ITGA8: variants seen among roughly 807,000 people sequenced by gnomAD.
ITGA8 encodes integrin subunit alpha 8.
Under a neutral mutation model 142.3 loss-of-function variants are expected in ITGA8, and 91 were observed. The ratio of observed to expected loss-of-function variants is 0.64; its 90% CI spans 0.54 to 0.76. The LOEUF (loss-of-function observed/expected upper bound fraction) is 0.76, where lower values mean the gene tolerates loss of function less well. ITGA8 is among the 30% of genes least tolerant of loss of function. ITGA8 has a pLI of 0.00. For missense variants in ITGA8, 1,406 were observed against 1,327.7 expected, an observed-to-expected ratio of 1.06 and a Z score of -0.92; for synonymous variants, 505 against 485.2, an observed-to-expected ratio of 1.04 and a Z score of -0.54.
At chr10:15,549,612 C>T (rs1208398416) in intron 26 of ITGA8, among the ~76,000 whole-genome samples, 1 of 152,184 alleles carries the variant, frequency 6.6e-6, no homozygotes, top group Non-Finnish European at 1.5e-5. Context: ...TCTAATTGTA[C>T]TCCATCATGG....
chr10:15,612,980 G>A (rs1833325603), intron 15 of ITGA8, among the ~76,000 whole-genome samples: 1 of 152,158 alleles, frequency 6.6e-6, no homozygotes, highest in African/African-American at 2.4e-5. Context: ...GACTAACATA[G>A]TGAAACCCCG....
At chr10:15,649,457 C>A (rs1384631111) in intron 11 of ITGA8, among the ~76,000 whole-genome samples, 2 of 151,658 alleles carry the variant, frequency 1.3e-5, no homozygotes, top group Non-Finnish European at 2.9e-5. Flanking sequence ...GGTGAAACGC[C>A]TGTCTCTACT....
chr10:15,644,020 A>ATT lies in ITGA8; in HGVS notation c.1399+9_1399+10insAA, dbSNP rs1324787534. On this transcript the variant is annotated intron_variant, in intron 13 of 29. Coordinates refer to ENST00000378076, the MANE Select transcript of ITGA8 (RefSeq NM_003638.3). ...TAGACTCTCACGTGGGAAAAGAAAG[A>ATT]AAACCTTACCTGGGTAATCATTCTT... 1 of 1,605,284 alleles carries ATT rather than the reference A, an allele frequency of 6.2e-7. No individual in the cohort carries two copies. Among genetic ancestry groups the ATT allele is most frequent in the East Asian group, 2.2e-5 (1 of 44,696 alleles).
At chr10:15,650,926 A>G (rs1226551993) in intron 11 of ITGA8, among the ~76,000 whole-genome samples, 1 of 152,220 alleles carries the variant, frequency 6.6e-6, no homozygotes, top group Non-Finnish European at 1.5e-5. Context: ...AGAGTTTTCT[A>G]CTAATTGAAT....
chr10:15,546,977 A>G (rs1833684787), intron 27 of ITGA8, among the ~76,000 whole-genome samples: 1 of 152,032 alleles, frequency 6.6e-6, no homozygotes, highest in South Asian at 2.1e-4. Context: ...GATTGACGAG[A>G]CTGTAGAAGC....
At chr10:15,714,310 A>G (rs1835412993) in intron 2 of ITGA8, among the ~76,000 whole-genome samples, 1 of 152,208 alleles carries the variant, frequency 6.6e-6, no homozygotes, top group Non-Finnish European at 1.5e-5. Context: ...GAAGAAAGGG[A>G]ACCTTGAAGT....
intron 20 of ITGA8, 140 bp from the exon 21 acceptor site, chr10:15,597,439 T>A: frequency 1.5e-6 from 1 of 646,752 alleles, no homozygotes. Flanking sequence ...TTGATGACCC[T>A]TAACTCAGAA....
At chr10:15,532,935 G>A (rs1833341823) in intron 27 of ITGA8, among the ~76,000 whole-genome samples, 1 of 152,144 alleles carries the variant, frequency 6.6e-6, no homozygotes, top group African/African-American at 2.4e-5. Context: ...ATCTGTAAGA[G>A]GAAACACTAC....
chr10:15,570,343 C>T (rs1368631316), intron 25 of ITGA8, among the ~76,000 whole-genome samples: 2 of 152,130 alleles, frequency 1.3e-5, no homozygotes, highest in African/African-American at 4.8e-5. Context: ...CGCAGTGGCT[C>T]ACGCCTGTAA....
chr10:15,633,947 C>T (rs1452668677), intron 13 of ITGA8, among the ~76,000 whole-genome samples: 1 of 152,130 alleles, frequency 6.6e-6, no homozygotes, highest in East Asian at 1.9e-4. Context: ...TCCTTCTGTT[C>T]CCTGATTCAA....
chr10:15,651,380 C>A (rs1834082219), intron 11 of ITGA8, among the ~76,000 whole-genome samples: 1 of 152,146 alleles, frequency 6.6e-6, no homozygotes, highest in African/African-American at 2.4e-5. Context: ...AAAACTGTCA[C>A]AGGCTTGACA....
chr10:15,579,494 T>G (rs1490840773), intron 23 of ITGA8, among the ~76,000 whole-genome samples: 2 of 152,104 alleles, frequency 1.3e-5, no homozygotes, highest in Admixed American at 1.3e-4. Flanking sequence ...GTTTTAAATT[T>G]ATTTTGGAAT....
At chr10:15,680,216 C>CTTTTTTTTTTTTT (rs71374638) in intron 4 of ITGA8, among the ~76,000 whole-genome samples, 2 of 54,230 alleles carry the variant, frequency 3.7e-5, no homozygotes, top group Admixed American at 3.1e-4. Flanking sequence ...CCAGATGCTC[C>CTTTTTTTTTTTTT]TTTTTTTTTT....
At chr10:15,592,125 T>G in intron 22 of ITGA8, 100 bp downstream of exon 22, 1 of 710,330 alleles carries the variant, frequency 1.4e-6, no homozygotes, top group East Asian at 2.7e-5. Flanking sequence ...TAATTTCAGG[T>G]GAGCTTTTAA....
intron 8 of ITGA8, among the ~76,000 whole-genome samples, chr10:15,666,152 A>G (rs1408566360): frequency 6.6e-6 from 1 of 152,228 alleles, no homozygotes; most frequent in African/African-American, 2.4e-5. Context: ...ACCCATGAGC[A>G]TGGAATGTTC....
chr10:15,550,344 A>T (rs541806365), intron 26 of ITGA8, among the ~76,000 whole-genome samples: 1 of 152,316 alleles, frequency 6.6e-6, no homozygotes, highest in African/African-American at 2.4e-5. Context: ...CACAGCAGGA[A>T]CAGGAATTCT....
chr10:15,550,822 G>C (rs534963424), intron 26 of ITGA8, among the ~76,000 whole-genome samples: 1 of 152,142 alleles, frequency 6.6e-6, no homozygotes, highest in South Asian at 2.1e-4. Context: ...ATTTTAGAGG[G>C]ATGGGTAATA....
intron 2 of ITGA8, among the ~76,000 whole-genome samples, chr10:15,691,038 C>T (rs1267456370): frequency 6.6e-6 from 1 of 152,090 alleles, no homozygotes; most frequent in Admixed American, 6.6e-5. Context: ...AGGGCCTGGA[C>T]AGATATTTTA....
intron 22 of ITGA8, among the ~76,000 whole-genome samples, chr10:15,588,189 A>G (rs1254808964): frequency 1.3e-5 from 2 of 152,236 alleles, no homozygotes; most frequent in Non-Finnish European, 2.9e-5. Context: ...TGGAAAGGAT[A>G]TGATAAAATT....
Sources: gnomAD v4.1 joint callset for allele counts (sites outside exome capture counted in the v4.1 genomes callset) on GRCh38, gnomAD v4.1.1 for gene constraint, MANE v1.5 for transcripts, NCBI Gene and HGNC (gene_info 2026-07-23, HGNC 2026-07-21) for gene names.